The following EIF2AK2 variants were observed in gnomAD, a reference collection of about 807,000 sequenced individuals.
EIF2AK2 encodes the protein interferon-induced, double-stranded RNA-activated protein kinase.
Under a neutral mutation model 70.5 loss-of-function variants are expected in EIF2AK2, and 40 were observed. The observed-to-expected ratio is 0.57, with a 90% CI of 0.44 to 0.74. The LOEUF (loss-of-function observed/expected upper bound fraction) is 0.74. Among genes scored for constraint, EIF2AK2 ranks in the 30% least tolerant of loss-of-function variants. The pLI is 0.00. For synonymous variants in EIF2AK2, 198 were observed against 220.9 expected (o/e 0.90, Z 0.92); for missense variants, 555 against 644.3 (o/e 0.86, Z 1.50).
intron 10 of EIF2AK2, 45 bp downstream of exon 10, chr2:37,135,439 C>T (rs769822958): frequency 5.3e-6 from 8 of 1,506,876 alleles, no homozygotes; most frequent in South Asian, 1.2e-5. Context: ...AAACATCCAC[C>T]GACAGCATTA....
In EIF2AK2 at chr2:37,122,598, G is replaced by C. The variant is rs202133527; in HGVS notation, c.975C>G (p.Gly325=). The change falls in exon 12 of 17, where the codon GGC becomes GGG. Residue 325 remains glycine (G), a synonymous_variant. Coordinates refer to ENST00000233057, the MANE Select transcript of EIF2AK2 (RefSeq NM_001135651.3). The part of the protein sequence containing the change: ...LDHVNIVHYN[G]CWDGFDYDPE... ...GATCATAATCAAATCCATCCCAACA[G>C]CCATTGTAGTGAACAATATTTACAT... The C allele has an allele frequency of 2.6e-5, 42 of 1,614,112 alleles. No individual in the cohort carries two copies. In the African/African-American group the frequency reaches 4.5e-4, roughly 17 times the overall value.
At position 37,138,320 on chromosome 2, in the gene EIF2AK2, A is replaced by C. The variant is rs1411300285; in HGVS notation, c.637T>G (p.Ser213Ala). The change falls in exon 8 of 17, where the codon TCA becomes GCA. Residue 213 changes from serine to alanine, a missense_variant. Ser to Ala is a moderately conservative substitution (Grantham distance 99). Transcript: ENST00000233057. ...CTGTCACTGTTAGAATTTATCTCTG[A>C]TGTATCTGCTGAGAAGTCACCTTCA... ...SSEGDFSADT[S>A]EINSNSDSLN... 1 of 1,613,998 alleles carries C rather than the reference A, an allele frequency of 6.2e-7. No homozygotes were observed. Among genetic ancestry groups the C allele is most frequent in the Non-Finnish European group, 8.5e-7 (1 of 1,179,948 alleles).
rs892543374 is a variant in EIF2AK2, at chr2:37,139,754, A to C, written c.393T>G (p.Phe131Leu). ...TCTGTCCCATTTTGCATTTATAATG[A>C]AATCTAGGAGAAATCATAGAAGGTA... is the stretch of plus-strand genomic sequence containing the variant. The part of the protein sequence containing the change: ...CASGVHGPEG[F>L]HYKCKMGQKE... The change falls in exon 6 of 17, where the codon TTT (phenylalanine) becomes TTG (leucine). Residue 131 changes from phenylalanine to leucine, a missense_variant. Physicochemically the swap from Phe to Leu is conservative, Grantham distance 22 (BLOSUM62 0). Transcript: ENST00000233057. 1 of 1,609,776 alleles carries C rather than the reference A, an allele frequency of 6.2e-7. No homozygotes were observed.
rs1454094359 is a variant in EIF2AK2, at chr2:37,101,254, T to A, written c.*6019A>T. On this transcript the variant is annotated 3_prime_UTR_variant, in exon 17 of 17. Coordinates refer to ENST00000233057, the MANE Select transcript of EIF2AK2 (RefSeq NM_001135651.3). ...CTAGGGCACTAACTCACTCTAAAATTTGATAAATATTTATCGCATCTTTCC... is the reference window on the plus strand; with the variant it reads ...CTAGGGCACTAACTCACTCTAAAATATGATAAATATTTATCGCATCTTTCC... The A allele has an allele frequency of 3.3e-5, 5 of 152,230 alleles. No individual in the cohort carries two copies. The highest frequency in any genetic ancestry group is 2.0e-4 in the Admixed American group (3 of 15,280). 9.4% of individuals were successfully genotyped at this position (152,230 alleles called of 1,614,324 possible). A position where few individuals can be genotyped will look rare whatever the true frequency, so the allele number is the denominator to read the frequency against.
chr2:37,132,165 C>G (rs1174163678), intron 10 of EIF2AK2, among the ~76,000 whole-genome samples: 2 of 152,150 alleles, frequency 1.3e-5, no homozygotes, highest in Non-Finnish European at 2.9e-5. Flanking sequence ...ATCCAATTCT[C>G]TAGTATCTAT....
At chr2:37,153,163 A>C (rs1272644992) in intron 1 of EIF2AK2, among the ~76,000 whole-genome samples, 2 of 152,034 alleles carry the variant, frequency 1.3e-5, no homozygotes, top group African/African-American at 4.8e-5. Flanking sequence ...TAAAATACAC[A>C]TAACATGAAA....
At chr2:37,150,327 A>C (rs554568267) in intron 1 of EIF2AK2, among the ~76,000 whole-genome samples, 1 of 152,348 alleles carries the variant, frequency 6.6e-6, no homozygotes, top group East Asian at 1.9e-4. Flanking sequence ...CAGAAAAAAA[A>C]GGCAATCCCT....
At position 37,136,992 on chromosome 2, in the gene EIF2AK2, T is replaced by A. The variant is rs1486240107; in HGVS notation, c.713A>T (p.Lys238Met). ...LMNGLRNNQRKAKRSLAPRFD... is the reference protein window; with the variant it reads ...LMNGLRNNQRMAKRSLAPRFD... ...GCATAATGATACTCACCTTTTTGCC[T>A]TCCTTTGATTATTTCTGAGACCATT... The change falls in exon 9 of 17, where the codon AAG becomes ATG. Residue 238 changes from lysine to methionine, a missense_variant. Physicochemically the swap from Lys to Met is moderately conservative, Grantham distance 95. This residue lies in a region of EIF2AK2 where 299 missense variants were observed against 375.4 expected (regional missense o/e 0.80). Transcript: ENST00000233057. The A allele has an allele frequency of 6.2e-7, 1 of 1,603,336 alleles. No homozygotes were observed. Among genetic ancestry groups the A allele is most frequent in the Non-Finnish European group, 8.5e-7 (1 of 1,176,328 alleles).
chr2:37,119,511 A>AC (rs1484978331), intron 13 of EIF2AK2, among the ~76,000 whole-genome samples: 1 of 152,154 alleles, frequency 6.6e-6, no homozygotes, highest in Non-Finnish European at 1.5e-5. Context: ...ATGTTCAGAT[A>AC]CCATTTTCTC....
At chr2:37,135,449 AC>A (rs1675094458) in intron 10 of EIF2AK2, 34 bp downstream of exon 10, 1 of 1,551,304 alleles carries the variant, frequency 6.4e-7, no homozygotes, top group Non-Finnish European at 8.8e-7. Context: ...CGACAGCATT[AC>A]CCCTTCTTCT....
chr2:37,112,030 T>A (rs1674180357), intron 14 of EIF2AK2, among the ~76,000 whole-genome samples: 1 of 150,848 alleles, frequency 6.6e-6, no homozygotes, highest in African/African-American at 2.4e-5. Flanking sequence ...GGCCTCCTAG[T>A]GAGAGGATTA....
At chr2:37,154,684 C>T (rs967450424) in intron 1 of EIF2AK2, among the ~76,000 whole-genome samples, 1 of 152,090 alleles carries the variant, frequency 6.6e-6, no homozygotes, top group Non-Finnish European at 1.5e-5. Flanking sequence ...CCTCAGCATT[C>T]CGAGTAGCTG....
chr2:37,111,876 AAAATAT>A (rs1299217303), intron 14 of EIF2AK2, among the ~76,000 whole-genome samples: 757 of 45,812 alleles, frequency 0.017, 1 homozygote, highest in African/African-American at 0.037. Context: ...AAAAAAAAAA[AAAATAT>A]ATATATATAT....
Position 37,101,618 on chromosome 2 carries a change from G to A in EIF2AK2, c.*5655C>T, listed in dbSNP as rs529271963. The A allele has an allele frequency of 6.6e-6, 1 of 152,254 alleles. No homozygotes were observed. The highest frequency in any genetic ancestry group is 1.9e-4 in the East Asian group (1 of 5,188). The allele number at this position is 152,254 out of a possible 1,614,324, so 9.4% of individuals were successfully genotyped here. On this transcript the variant is annotated 3_prime_UTR_variant, in exon 17 of 17. Coordinates refer to ENST00000233057, the MANE Select transcript of EIF2AK2 (RefSeq NM_001135651.3). ...AACCAGGATCAAATCCAGCTTCTAG[G>A]TCTAACTGGACACTCTGGGGATACT...
intron 4 of EIF2AK2, among the ~76,000 whole-genome samples, chr2:37,142,082 T>A (rs1276430431): frequency 6.6e-6 from 1 of 152,188 alleles, no homozygotes; most frequent in Non-Finnish European, 1.5e-5. Flanking sequence ...ACTATTATTA[T>A]CTCTACCTTT....
intron 13 of EIF2AK2, among the ~76,000 whole-genome samples, chr2:37,119,244 T>G (rs945047653): frequency 9.9e-5 from 15 of 152,224 alleles, no homozygotes; most frequent in African/African-American, 3.6e-4. Flanking sequence ...TGATACACTT[T>G]CCCAGTCCGG....
Position 37,107,187 on chromosome 2 carries a change from T to C in EIF2AK2, c.*86A>G. 1 of 1,419,982 alleles carries C rather than the reference T, an allele frequency of 7.0e-7. No homozygotes were observed. The highest frequency in any genetic ancestry group is 9.4e-7 in the Non-Finnish European group (1 of 1,058,818). 88.0% of individuals were successfully genotyped at this position (1,419,982 alleles called of 1,614,324 possible). A position where few individuals can be genotyped will look rare whatever the true frequency, so the allele number is the denominator to read the frequency against. ...TTAAAGGAAACATTAAAATAAAAGG[T>C]AAATATCTATTGATATTCCCTAGCA... is the stretch of plus-strand genomic sequence containing the variant. On this transcript the variant is annotated 3_prime_UTR_variant, in exon 17 of 17. Transcript: ENST00000233057.
chr2:37,156,429 G>A (rs760809282), intron 1 of EIF2AK2, among the ~76,000 whole-genome samples: 15 of 152,282 alleles, frequency 9.9e-5, no homozygotes, highest in Non-Finnish European at 7.4e-5. Context: ...AGGATACGGA[G>A]TGGGAACAGG....
chr2:37,130,392 C>T (rs748888404), intron 10 of EIF2AK2, among the ~76,000 whole-genome samples: 2 of 152,084 alleles, frequency 1.3e-5, no homozygotes, highest in East Asian at 1.9e-4. Context: ...CGTGAGGCAC[C>T]GACCTGGCCT....
Sources: allele counts gnomAD v4.1 joint callset (sites outside exome capture counted in the v4.1 genomes callset), GRCh38; gene constraint gnomAD v4.1.1; regional missense constraint gnomAD v4.1.1; transcripts MANE v1.5; gene names NCBI Gene and HGNC (gene_info 2026-07-23, HGNC 2026-07-21).